TRPM3: variants seen among roughly 807,000 people sequenced by gnomAD.
TRPM3 encodes the protein transient receptor potential cation channel subfamily M member 3.
In TRPM3, 77 loss-of-function variants were observed where a neutral mutation model predicts 181.2. That is an observed-to-expected ratio of 0.42 (90% CI 0.35 to 0.51). The LOEUF (loss-of-function observed/expected upper bound fraction) is 0.51, where lower values mean the gene tolerates loss of function less well. Ranked by LOEUF, TRPM3 falls within the 20% of genes least tolerant of loss-of-function variation. TRPM3 has a pLI of 0.01. For missense variants in TRPM3, 1,759 were observed against 2,196.7 expected, an observed-to-expected ratio of 0.80 and a Z score of 3.98; for synonymous variants, 745 against 796.4, an observed-to-expected ratio of 0.94 and a Z score of 1.09.
At chr9:70,566,705 G>A (rs1307356200) in intron 22 of TRPM3, among the ~76,000 whole-genome samples, 1 of 152,100 alleles carries the variant, frequency 6.6e-6, no homozygotes, top group Non-Finnish European at 1.5e-5. Flanking sequence ...GAATGGCCCT[G>A]CTGTACCTAG....
chr9:71,187,476 G>A (rs1047326782), intron 1 of TRPM3, among the ~76,000 whole-genome samples: 5 of 151,926 alleles, frequency 3.3e-5, no homozygotes, highest in South Asian at 4.1e-4. Flanking sequence ...TGCTCTCTTC[G>A]TCTCTTACCC....
intron 1 of TRPM3, among the ~76,000 whole-genome samples, chr9:71,130,537 AAAT>A (rs2134453454): frequency 6.6e-6 from 1 of 152,336 alleles, no homozygotes; most frequent in East Asian, 1.9e-4. Context: ...TTTAGGGAGA[AAAT>A]AAAACAATAT....
intron 1 of TRPM3, among the ~76,000 whole-genome samples, chr9:70,966,142 A>C (rs991620325): frequency 1.3e-5 from 2 of 152,140 alleles, no homozygotes; most frequent in Non-Finnish European, 2.9e-5. Flanking sequence ...AGCATATGAA[A>C]AAAAGCTCAA....
chr9:70,608,953 T>TATTA (rs1420327136), intron 19 of TRPM3, among the ~76,000 whole-genome samples: 3 of 152,094 alleles, frequency 2.0e-5, no homozygotes, highest in South Asian at 2.1e-4. Flanking sequence ...AAAAGAAAGA[T>TATTA]ATTATTTTTG....
Position 70,536,444 on chromosome 9 carries a change from T to A in TRPM3, c.4669A>T (p.Thr1557Ser). ...GTGTCAATACAGTCTGTAATACTTG[T>A]GTATTCTGCTGTTTTTACAGGCACC... ...FGVPVKTAEY[T>S]SITDCIDTRC... Residue 1557 changes from threonine (T) to serine (S), a missense_variant, in exon 26 of 26, where the codon ACA becomes TCA. Thr to Ser is a moderately conservative substitution (Grantham distance 58). Coordinates refer to ENST00000677713, the MANE Select transcript of TRPM3 (RefSeq NM_001366145.2). 6.2e-7 allele frequency: 1 copy of A among 1,614,196 alleles called. No homozygotes were observed. Among genetic ancestry groups the A allele is most frequent in the Non-Finnish European group, 8.5e-7 (1 of 1,180,036 alleles).
exon 1 of TRPM3, chr9:71,446,660 T>C: frequency 3.2e-6 from 5 of 1,550,102 alleles, no homozygotes; most frequent in Non-Finnish European, 4.4e-6. Flanking sequence ...CACCGGCGTC[T>C]GCTGCGACGG....
intron 1 of TRPM3, among the ~76,000 whole-genome samples, chr9:71,188,962 G>A (rs1383831102): frequency 2.0e-5 from 3 of 151,826 alleles, no homozygotes; most frequent in African/African-American, 7.3e-5. Flanking sequence ...TGTCCATTGA[G>A]GAAAAAGGTC....
chr9:70,607,222 A>G (rs1256023005), intron 19 of TRPM3, among the ~76,000 whole-genome samples: 1 of 152,206 alleles, frequency 6.6e-6, no homozygotes, highest in East Asian at 1.9e-4. Context: ...TACCTTTCAG[A>G]AACTTGGGAG....
intron 1 of TRPM3, among the ~76,000 whole-genome samples, chr9:70,914,964 A>G (rs1236209338): frequency 6.6e-6 from 1 of 152,184 alleles, no homozygotes; most frequent in African/African-American, 2.4e-5. Context: ...AATACCTGGA[A>G]AGCCTTCCCA....
chr9:70,846,702 A>G (rs1028580677), intron 3 of TRPM3, 111 bp from the exon 4 acceptor site: 2 of 832,968 alleles, frequency 2.4e-6, no homozygotes, highest in Admixed American at 2.7e-5. Flanking sequence ...CGTCTCATAT[A>G]AAATCAGATT....
chr9:70,868,929 C>T (rs896046774), intron 1 of TRPM3: 2 of 931,988 alleles, frequency 2.1e-6, no homozygotes, highest in Non-Finnish European at 2.6e-6. Flanking sequence ...TCCTCTAGGT[C>T]CCCAGATCCA....
At chr9:71,228,391 A>T (rs1206294728) in intron 1 of TRPM3, among the ~76,000 whole-genome samples, 1 of 152,102 alleles carries the variant, frequency 6.6e-6, no homozygotes, top group African/African-American at 2.4e-5. Context: ...GGGAAAAACA[A>T]ACTTTTCCTC....
Position 71,357,762 on chromosome 9 carries a change from T to TATCTTTTCTCTTTTCTTTTTCCTC in TRPM3, c.183+88867_183+88890dup, listed in dbSNP as rs1565495108. Reference sequence around the variant, plus strand: ...AAAAAAAAAAAATGCATCTTTTTCTTATCTTTTCTCTTTTCTTTTTCCTCT... The same window carrying TATCTTTTCTCTTTTCTTTTTCCTC: ...AAAAAAAAAAAATGCATCTTTTTCTTATCTTTTCTCTTTTCTTTTTCCTCATCTTTTCTCTTTTCTTTTTCCTCT... On this transcript the variant is annotated intron_variant, in intron 1 of 24. Transcript: ENST00000357533. Among the ~76,000 whole-genome samples the TATCTTTTCTCTTTTCTTTTTCCTC allele has an allele frequency of 2.0e-4, 30 of 152,230 alleles. No individual in the cohort carries two copies. In the East Asian group the frequency reaches 5.8e-3, roughly 29 times the overall value.
intron 1 of TRPM3, among the ~76,000 whole-genome samples, chr9:70,938,275 C>T (rs756472467): frequency 6.6e-6 from 1 of 152,136 alleles, no homozygotes; most frequent in African/African-American, 2.4e-5. Context: ...GTAATCTCTA[C>T]TTCTTCTATT....
intron 8 of TRPM3, among the ~76,000 whole-genome samples, chr9:70,740,496 A>C (rs1426856160): frequency 6.6e-6 from 1 of 152,194 alleles, no homozygotes; most frequent in African/African-American, 2.4e-5. Flanking sequence ...ATTCATGTGG[A>C]ATGAAAAAAG....
intron 1 of TRPM3, among the ~76,000 whole-genome samples, chr9:71,392,152 A>C (rs978380097): frequency 6.6e-6 from 1 of 152,104 alleles, no homozygotes; most frequent in African/African-American, 2.4e-5. Flanking sequence ...GGTGAAATAG[A>C]GTGTGCTTGC....
At chr9:71,088,320 A>T (rs1224991208) in intron 1 of TRPM3, among the ~76,000 whole-genome samples, 1 of 152,136 alleles carries the variant, frequency 6.6e-6, no homozygotes, top group Non-Finnish European at 1.5e-5. Flanking sequence ...GGGCATTTGC[A>T]GATGGCAAGG....
At chr9:71,014,524 C>T (rs2097769288) in intron 1 of TRPM3, among the ~76,000 whole-genome samples, 1 of 152,032 alleles carries the variant, frequency 6.6e-6, no homozygotes. Context: ...TTCTGCTTTA[C>T]AAAGTGGCTT....
Position 71,212,150 on chromosome 9 carries a change from C to T in TRPM3, c.183+234503G>A, listed in dbSNP as rs183229917. 6.3e-3 allele frequency among the ~76,000 whole-genome samples: 950 copies of T among 151,652 alleles called. 1 individual carries two copies. Among genetic ancestry groups the T allele is most frequent in the Middle Eastern group, 0.031 (9 of 294 alleles). On this transcript the variant is annotated intron_variant, in intron 1 of 24. Coordinates refer to the TRPM3 transcript ENST00000357533. ...TGTTTTTCTTGAGAAAGGGTATCAC[C>T]CTGTTGCTCAGGCTTGAGTACAGTG...
Sources: gnomAD v4.1 joint callset for allele counts (sites outside exome capture counted in the v4.1 genomes callset) on GRCh38, gnomAD v4.1.1 for gene constraint, MANE v1.5 for transcripts, NCBI Gene and HGNC (gene_info 2026-07-23, HGNC 2026-07-21) for gene names.